Variants in NXPH1 observed in about 807,000 individuals in gnomAD.
The protein encoded by NXPH1 is neurexophilin-1.
Under a neutral mutation model 23.7 loss-of-function variants are expected in NXPH1, and 5 were observed. The ratio of observed to expected loss-of-function variants is 0.21; its 90% CI spans 0.11 to 0.44. The LOEUF (loss-of-function observed/expected upper bound fraction) is 0.44, where lower values mean the gene tolerates loss of function less well. Ranked by LOEUF, NXPH1 falls within the 20% of genes least tolerant of loss-of-function variation. NXPH1 has a pLI of 0.99. For missense variants in NXPH1, 324 were observed against 321.6 expected, an observed-to-expected ratio of 1.01 and a Z score of -0.06; for synonymous variants, 144 against 122.2, an observed-to-expected ratio of 1.18 and a Z score of -1.18.
intron 2 of NXPH1, among the ~76,000 whole-genome samples, chr7:8,488,480 C>A (rs114911110): frequency 0.015 from 2,318 of 152,146 alleles, 67 homozygotes; most frequent in African/African-American, 0.052. Context: ...TTATAGAAAT[C>A]AAAATGACTG....
chr7:8,537,908 TTAGAGA>T (rs1165690929), intron 2 of NXPH1, among the ~76,000 whole-genome samples: 1 of 151,866 alleles, frequency 6.6e-6, no homozygotes, highest in African/African-American at 2.4e-5. Context: ...AAGAGACAAT[TTAGAGA>T]TAATCAGTTC....
intron 2 of NXPH1, among the ~76,000 whole-genome samples, chr7:8,488,249 T>TTACATCTTACATAC (rs1034351292): frequency 4.6e-4 from 68 of 148,466 alleles, no homozygotes; most frequent in African/African-American, 1.5e-3. Context: ...ATCTTACATA[T>TTACATCTTACATAC]TACATCTTAC....
intron 2 of NXPH1, among the ~76,000 whole-genome samples, chr7:8,515,453 T>C (rs1817672435): frequency 6.6e-6 from 1 of 152,164 alleles, no homozygotes; most frequent in Non-Finnish European, 1.5e-5. Context: ...ACTTGAACAG[T>C]TGGTTAAAGG....
intron 2 of NXPH1, among the ~76,000 whole-genome samples, chr7:8,682,491 C>A (rs1821071209): frequency 6.6e-6 from 1 of 152,132 alleles, no homozygotes. Flanking sequence ...TTACAAGATA[C>A]CACTTCTACT....
At chr7:8,674,081 C>G (rs1820911702) in intron 2 of NXPH1, among the ~76,000 whole-genome samples, 1 of 151,400 alleles carries the variant, frequency 6.6e-6, no homozygotes, top group Non-Finnish European at 1.5e-5. Context: ...ATTATTTTTT[C>G]TATTGTGAAA....
chr7:8,751,236 A>G lies in NXPH1; in HGVS notation c.283A>G (p.Thr95Ala), dbSNP rs1428209797. 6.2e-7 allele frequency: 1 copy of G among 1,613,902 alleles called. No homozygotes were observed. Among genetic ancestry groups the G allele is most frequent in the Non-Finnish European group, 8.5e-7 (1 of 1,179,816 alleles). ...CCTCTGGGACTGGCTGAGGAACTCC[A>G]CAGACCTTCAAGAGCCTCGGCCCAG... Reference protein sequence around the residue: ...QDLWDWLRNSTDLQEPRPRAK... With the variant: ...QDLWDWLRNSADLQEPRPRAK... The change falls in exon 3 of 3, where the codon ACA becomes GCA. Residue 95 changes from threonine to alanine, a missense_variant. Transcript: ENST00000405863. This position sits in a 1 kb window ranked among gnomAD's most constrained non-coding sequence, Gnocchi z 4.5.
intron 2 of NXPH1, among the ~76,000 whole-genome samples, chr7:8,725,902 A>G (rs1213162360): frequency 2.0e-5 from 3 of 152,164 alleles, no homozygotes; most frequent in African/African-American, 7.2e-5. Context: ...AAAAGACACT[A>G]GAAGGGTTTT....
intron 2 of NXPH1, among the ~76,000 whole-genome samples, chr7:8,721,502 C>A (rs1316088582): frequency 6.6e-6 from 1 of 152,174 alleles, no homozygotes; most frequent in Non-Finnish European, 1.5e-5. Context: ...AAATGCATTT[C>A]TTGTGGCTCA....
At chr7:8,743,339 TAAAAAGAG>T (rs1780401996) in intron 2 of NXPH1, among the ~76,000 whole-genome samples, 1 of 152,022 alleles carries the variant, frequency 6.6e-6, no homozygotes, top group African/African-American at 2.4e-5. Context: ...TTCTCATTTA[TAAAAAGAG>T]ATATACAAAT....
intron 2 of NXPH1, among the ~76,000 whole-genome samples, chr7:8,489,345 A>G (rs894771377): frequency 6.6e-6 from 1 of 152,066 alleles, no homozygotes; most frequent in South Asian, 2.1e-4. Flanking sequence ...TTCCAGTTCC[A>G]GAAAATTCTG....
intron 2 of NXPH1, among the ~76,000 whole-genome samples, chr7:8,634,885 C>A (rs1437657642): frequency 3.3e-5 from 5 of 152,112 alleles, no homozygotes; most frequent in Non-Finnish European, 7.3e-5. Context: ...GATGTTTCAA[C>A]TCCTTCACAA....
At chr7:8,654,195 C>CTT (rs569437353) in intron 2 of NXPH1, among the ~76,000 whole-genome samples, 1 of 148,198 alleles carries the variant, frequency 6.7e-6, no homozygotes, top group Admixed American at 6.7e-5. Flanking sequence ...AGTGTTGAAA[C>CTT]TTTTTTTTTT....
At chr7:8,621,913 G>T (rs972923939) in intron 2 of NXPH1, among the ~76,000 whole-genome samples, 1 of 152,152 alleles carries the variant, frequency 6.6e-6, no homozygotes, top group African/African-American at 2.4e-5. Context: ...AGGACAGTCT[G>T]CCTCTGAAGA....
At chr7:8,685,240 CA>C (rs777814917) in intron 2 of NXPH1, among the ~76,000 whole-genome samples, 9 of 149,106 alleles carry the variant, frequency 6.0e-5, no homozygotes, top group Non-Finnish European at 1.0e-4. Context: ...TACCCTAAGC[CA>C]AATGAGTTTT....
chr7:8,643,988 G>T (rs1301065348), intron 2 of NXPH1, among the ~76,000 whole-genome samples: 1 of 151,968 alleles, frequency 6.6e-6, no homozygotes, highest in Non-Finnish European at 1.5e-5. Flanking sequence ...GGCTTTCTTT[G>T]GGGTTCATGG....
chr7:8,687,331 G>T (rs974458069), intron 2 of NXPH1, among the ~76,000 whole-genome samples: 4 of 152,084 alleles, frequency 2.6e-5, no homozygotes, highest in Non-Finnish European at 4.4e-5. Context: ...GTGCTAACAT[G>T]AGACACAGAG....
intron 2 of NXPH1, among the ~76,000 whole-genome samples, chr7:8,693,916 T>C (rs1263012107): frequency 6.6e-6 from 1 of 152,250 alleles, no homozygotes; most frequent in African/African-American, 2.4e-5. Context: ...CAACAAATTA[T>C]GTCATCACCC....
chr7:8,465,057 T>C (rs950747899), intron 2 of NXPH1, among the ~76,000 whole-genome samples: 1 of 152,194 alleles, frequency 6.6e-6, no homozygotes, highest in Non-Finnish European at 1.5e-5. Context: ...CGGATATAGA[T>C]ACCAGGACTT....
chr7:8,596,563 G>C (rs1478491656), intron 2 of NXPH1, among the ~76,000 whole-genome samples: 1 of 152,140 alleles, frequency 6.6e-6, no homozygotes, highest in Non-Finnish European at 1.5e-5. Flanking sequence ...GGAGATTAAA[G>C]ATGGGTGTCA....
Sources: gnomAD v4.1 joint callset for allele counts (sites outside exome capture counted in the v4.1 genomes callset) on GRCh38, gnomAD v4.1.1 for gene constraint, Gnocchi (gnomAD v3.1) non-coding constraint, MANE v1.5 for transcripts, NCBI Gene and HGNC (gene_info 2026-07-23, HGNC 2026-07-21) for gene names.